The following DPP6 variants were observed in gnomAD, a reference collection of about 807,000 sequenced individuals.
DPP6 encodes A-type potassium channel modulatory protein DPP6.
Under a neutral mutation model 122.6 loss-of-function variants are expected in DPP6, and 69 were observed. That is an observed-to-expected ratio of 0.56 (90% CI 0.46 to 0.69). DPP6 has a LOEUF of 0.69. Ranked by LOEUF, DPP6 falls within the 30% of genes least tolerant of loss-of-function variation. The pLI, the probability that DPP6 is intolerant of heterozygous loss-of-function variation, is 0.00. For synonymous variants in DPP6, 418 were observed against 433.1 expected (o/e 0.97, Z 0.43); for missense variants, 928 against 1,116.9 (o/e 0.83, Z 2.41).
chr7:153,878,811 G>C, the DPP6 span, among the ~76,000 whole-genome samples: 6 of 152,034 alleles, frequency 3.9e-5, no homozygotes, highest in Non-Finnish European at 8.8e-5. Flanking sequence ...TTAAAAGACA[G>C]AAGGAAGAGG....
the DPP6 span, among the ~76,000 whole-genome samples, chr7:153,786,166 G>A: frequency 6.6e-6 from 1 of 151,960 alleles, no homozygotes; most frequent in Non-Finnish European, 1.5e-5. Flanking sequence ...GTTCTTTTGA[G>A]AGTTCTTGCT....
At chr7:153,803,757 A>G in the DPP6 span, among the ~76,000 whole-genome samples, 2 of 151,504 alleles carry the variant, frequency 1.3e-5, no homozygotes, top group East Asian at 3.9e-4. Context: ...TATAAATTAT[A>G]TATAAACTTA....
In DPP6 at chr7:154,403,909, C is replaced by T. The variant is rs1261486283; in HGVS notation, c.244-42305C>T. Among the ~76,000 whole-genome samples, 4 of 152,184 alleles carry T rather than the reference C, an allele frequency of 2.6e-5. No homozygotes were observed. The highest frequency in any genetic ancestry group is 6.5e-5 in the Admixed American group (1 of 15,282). ...CTAGAAAATTTGGAGCTGAAGTGCTCGGAAGGCCACTGATTTTAAGCTCAT... is the reference window on the plus strand; with the variant it reads ...CTAGAAAATTTGGAGCTGAAGTGCTTGGAAGGCCACTGATTTTAAGCTCAT... On this transcript the variant is annotated intron_variant, in intron 1 of 25. Transcript: ENST00000377770. This position sits in a 1 kb window ranked among gnomAD's most constrained non-coding sequence, Gnocchi z 4.1.
chr7:153,994,062 G>A (rs568329878), intron 1 of DPP6, among the ~76,000 whole-genome samples: 58 of 151,672 alleles, frequency 3.8e-4, no homozygotes, highest in African/African-American at 1.3e-3. Flanking sequence ...AACCTTATAG[G>A]TACATATTCT....
At chr7:154,797,129 T>A (rs1462155744) in intron 12 of DPP6, among the ~76,000 whole-genome samples, 1 of 152,184 alleles carries the variant, frequency 6.6e-6, no homozygotes, top group African/African-American at 2.4e-5. Flanking sequence ...GTCAGAGAGA[T>A]TACAATAAAA....
intron 1 of DPP6, among the ~76,000 whole-genome samples, chr7:154,063,426 T>A (rs1405258555): frequency 8.8e-6 from 1 of 114,282 alleles, no homozygotes; most frequent in Non-Finnish European, 1.8e-5. Flanking sequence ...TGGCTGTTGG[T>A]ACCCCCATCG....
At chr7:153,938,339 G>A (rs1177097340) in intron 1 of DPP6, among the ~76,000 whole-genome samples, 1 of 152,202 alleles carries the variant, frequency 6.6e-6, no homozygotes, top group Non-Finnish European at 1.5e-5. Context: ...CTGAAAAGGT[G>A]CGTAAGGAAT....
intron 1 of DPP6, among the ~76,000 whole-genome samples, chr7:154,114,723 C>T (rs1403375239): frequency 4.6e-5 from 7 of 152,040 alleles, no homozygotes; most frequent in Admixed American, 1.3e-4. Context: ...ATTAATCTTC[C>T]ACCTCAGTCA....
intron 17 of DPP6, among the ~76,000 whole-genome samples, chr7:154,862,744 G>A (rs906417741): frequency 6.6e-6 from 1 of 152,172 alleles, no homozygotes; most frequent in African/African-American, 2.4e-5. Flanking sequence ...TCAAACACCT[G>A]CCATGGGCCC....
Position 153,994,808 on chromosome 7 carries a change from A to T in DPP6, c.51+107074A>T, listed in dbSNP as rs551959484. Among the ~76,000 whole-genome samples the T allele has an allele frequency of 1.5e-3, 222 of 152,244 alleles. 1 individual carries two copies. Among genetic ancestry groups the T allele is most frequent in the African/African-American group, 5.3e-3 (218 of 41,504 alleles). On this transcript the variant is annotated intron_variant, in intron 1 of 25. Transcript: ENST00000404039. ...TTTACTCTTGTAGTGCCTATGAAAG[A>T]CTAAAATTATGCTGTTCATAAAATG...
intron 1 of DPP6, chr7:154,058,848 T>A (rs1168010137): frequency 1.3e-4 from 19 of 146,588 alleles, no homozygotes; most frequent in African/African-American, 4.9e-4. Flanking sequence ...CCCCTGGCTG[T>A]TAGTACCCCC....
intron 1 of DPP6, among the ~76,000 whole-genome samples, chr7:153,891,590 T>C (rs1799206473): frequency 6.6e-6 from 1 of 152,184 alleles, no homozygotes; most frequent in African/African-American, 2.4e-5. Flanking sequence ...ATTCTGCTTG[T>C]TTAACAGAGG....
chr7:154,219,884 G>T (rs11766750), intron 1 of DPP6, among the ~76,000 whole-genome samples: 101,932 of 152,084 alleles, frequency 0.67, 36,952 homozygotes, highest in Non-Finnish European at 0.81. Flanking sequence ...ACTGTGCTCA[G>T]CCTGCTTGCC....
At chr7:153,850,941 A>C in the DPP6 span, among the ~76,000 whole-genome samples, 1 of 152,152 alleles carries the variant, frequency 6.6e-6, no homozygotes, top group African/African-American at 2.4e-5. Context: ...GGAGGTAAGA[A>C]TCCTGGGGCT....
intron 1 of DPP6, among the ~76,000 whole-genome samples, chr7:154,385,243 C>A (rs931518677): frequency 4.6e-5 from 7 of 152,016 alleles, no homozygotes; most frequent in African/African-American, 1.7e-4. Context: ...TTTTTTCTTT[C>A]TTGCATTATG....
chr7:153,988,375 C>CTG (rs10687719), intron 1 of DPP6, among the ~76,000 whole-genome samples: 141,026 of 151,962 alleles, frequency 0.93, 65,748 homozygotes, highest in African/African-American at 0.97. Flanking sequence ...GTGGATACCA[C>CTG]TGTCCTCTGG....
At chr7:154,197,867 A>G (rs1297731522) in intron 1 of DPP6, among the ~76,000 whole-genome samples, 2 of 152,186 alleles carry the variant, frequency 1.3e-5, no homozygotes, top group Admixed American at 6.5e-5. Flanking sequence ...GTTGGGAAGG[A>G]GAAGAGCAGA....
chr7:154,142,025 A>C (rs1437516500), intron 1 of DPP6, among the ~76,000 whole-genome samples: 1 of 152,228 alleles, frequency 6.6e-6, no homozygotes, highest in Non-Finnish European at 1.5e-5. Flanking sequence ...TTCTAGCTAA[A>C]GTTTATGCAA....
chr7:153,909,960 T>G (rs7807331), intron 1 of DPP6, among the ~76,000 whole-genome samples: 1 of 151,918 alleles, frequency 6.6e-6, no homozygotes, highest in Non-Finnish European at 1.5e-5. Context: ...TCACCCGCCC[T>G]AGAAATCATT....
Sources: allele counts gnomAD v4.1 joint callset (sites outside exome capture counted in the v4.1 genomes callset), GRCh38; gene constraint gnomAD v4.1.1; non-coding constraint Gnocchi (gnomAD v3.1); transcripts MANE v1.5; gene names NCBI Gene and HGNC (gene_info 2026-07-23, HGNC 2026-07-21).